HAUS3: variants seen among roughly 807,000 people sequenced by gnomAD.
HAUS3 encodes HAUS augmin-like complex subunit 3.
In HAUS3, 36 loss-of-function variants were observed where a neutral mutation model predicts 55.2. That is an observed-to-expected ratio of 0.65 (90% CI 0.50 to 0.86). The LOEUF is 0.86. Among genes scored for constraint, HAUS3 ranks in the 40% least tolerant of loss-of-function variants. HAUS3 has a pLI of 0.00. For missense variants in HAUS3, 752 were observed against 671.5 expected, an observed-to-expected ratio of 1.12 and a Z score of -1.33; for synonymous variants, 234 against 238.6, an observed-to-expected ratio of 0.98 and a Z score of 0.18.
Position 2,240,464 on chromosome 4 carries a change from C to G in HAUS3, c.483G>C (p.Lys161Asn). The G allele has an allele frequency of 6.2e-7, 1 of 1,613,880 alleles. No homozygotes were observed. The highest frequency in any genetic ancestry group is 8.5e-7 in the Non-Finnish European group (1 of 1,179,942). The change falls in exon 3 of 6, where the codon AAG becomes AAC. Residue 161 changes from lysine (K) to asparagine (N), a missense_variant. Physicochemically the swap from Lys to Asn is moderately conservative, Grantham distance 94. Transcript: ENST00000443786. Reference protein sequence around the residue: ...SQGILNAMITKISNELQALTD... With the variant: ...SQGILNAMITNISNELQALTD... Reference sequence around the variant, plus strand: ...TAAGAGCCTGAAGTTCATTACTGATCTTAGTGATCATTGCATTTAGAATTC... The same window carrying G: ...TAAGAGCCTGAAGTTCATTACTGATGTTAGTGATCATTGCATTTAGAATTC...
rs1379044928 is a variant in HAUS3, at chr4:2,240,789, A to G, written c.158T>C (p.Leu53Ser). 6 of 1,613,824 alleles carry G rather than the reference A, an allele frequency of 3.7e-6. No homozygotes were observed. The highest frequency in any genetic ancestry group is 5.1e-6 in the Non-Finnish European group (6 of 1,179,992). The change falls in exon 3 of 6, where the codon TTG (leucine) becomes TCG (serine). Residue 53 changes from leucine (L) to serine (S), a missense_variant. Physicochemically the swap from Leu to Ser is moderately radical, Grantham distance 145 (BLOSUM62 -2). Transcript: ENST00000443786. Reference sequence around the variant, plus strand: ...AAAAGCTTCCAATTCTCTTTCAGACAACACGTTCTGTTCATTCACATTCCC... The same window carrying G: ...AAAAGCTTCCAATTCTCTTTCAGACGACACGTTCTGTTCATTCACATTCCC... ...FCGNVNEQNV[L>S]SERELEAFSI...
In HAUS3 at chr4:2,240,659, A is replaced by G; in HGVS notation, c.288T>C (p.Asp96=). The change falls in exon 3 of 6, where the codon GAT becomes GAC. Residue 96 remains aspartate, a synonymous_variant. Coordinates refer to ENST00000443786, the MANE Select transcript of HAUS3 (RefSeq NM_001303143.2). The part of the protein sequence containing the change: ...TSDLKTPRLD[D]KELEKLEDEV... ...CATCCTCTAATTTCTCCAGCTCTTT[A>G]TCATCCAGTCTAGGTGTCTTCAAAT... The G allele has an allele frequency of 6.2e-7, 1 of 1,613,886 alleles. No individual in the cohort carries two copies. The highest frequency in any genetic ancestry group is 8.5e-7 in the Non-Finnish European group (1 of 1,179,958).
At position 2,238,914 on chromosome 4, in the gene HAUS3, A is replaced by G. The variant is rs373429132; in HGVS notation, c.1039T>C (p.Leu347=). The G allele has an allele frequency of 1.9e-6, 3 of 1,612,560 alleles. No individual in the cohort carries two copies. Among genetic ancestry groups the G allele is most frequent in the African/African-American group, 2.7e-5 (2 of 74,842 alleles). Residue 347 remains leucine (L), a synonymous_variant, in exon 4 of 6, where the codon TTG becomes CTG. Transcript: ENST00000443786. The part of the protein sequence containing the change: ...PAVVRENAQL[L]NMPVVKGDFD... ...TCTCCCTTTACCACTGGCATATTCA[A>G]TAACTGGGCATTCTCTCTTACCACA... is the stretch of plus-strand genomic sequence containing the variant.
rs1309059821 is a variant in HAUS3, at chr4:2,229,398, T to C, written c.*2529A>G. On this transcript the variant is annotated 3_prime_UTR_variant, in exon 6 of 6. Transcript: ENST00000443786. ...AATAGGCATCAATCATCCAATAATA[T>C]AGATAGAAAGAAAAAAGCAAAATAG... is the stretch of plus-strand genomic sequence containing the variant. 5.1e-6 allele frequency: 3 copies of C among 593,230 alleles called. No homozygotes were observed. Among genetic ancestry groups the C allele is most frequent in the Admixed American group, 7.9e-5 (2 of 25,180 alleles). 36.7% of individuals were successfully genotyped at this position (593,230 alleles called of 1,614,324 possible).
chr4:2,236,414 C>G lies in HAUS3; in HGVS notation c.1392G>C (p.Leu464Phe). Reference protein sequence around the residue: ...VLEGENKKKELFLTHGNLEEV... With the variant: ...VLEGENKKKEFFLTHGNLEEV... ...CCTCAAGGTTTCCATGAGTTAGAAA[C>G]AATTCTTTTTTCTTATTCTCTCCCT... The change falls in exon 5 of 6, where the codon TTG becomes TTC. Residue 464 changes from leucine (L) to phenylalanine (F), a missense_variant. Physicochemically the swap from Leu to Phe is conservative, Grantham distance 22. Coordinates refer to ENST00000443786, the MANE Select transcript of HAUS3 (RefSeq NM_001303143.2). 6.2e-7 allele frequency: 1 copy of G among 1,613,416 alleles called. No individual in the cohort carries two copies. The highest frequency in any genetic ancestry group is 8.5e-7 in the Non-Finnish European group (1 of 1,179,522).
rs371849366 is a variant in HAUS3 at position 2,242,084 on chromosome 4, C to A, written c.-452G>T. ...GTTCCGCTTGCTTCTCGCAGGAGCC[C>A]GCCGCCACCGCCCTCCGTGCCCCGC... On this transcript the variant is annotated 5_prime_UTR_variant, in exon 1 of 6. Transcript: ENST00000443786. 2 of 985,828 alleles carry A rather than the reference C, an allele frequency of 2.0e-6. No individual in the cohort carries two copies. The highest frequency in any genetic ancestry group is 1.1e-4 in the East Asian group (1 of 8,818). 61.1% of individuals were successfully genotyped at this position (985,828 alleles called of 1,614,324 possible). A position where few individuals can be genotyped will look rare whatever the true frequency, so the allele number is the denominator to read the frequency against.
At chr4:2,236,894 T>C (rs1263455739) in intron 4 of HAUS3, among the ~76,000 whole-genome samples, 1 of 149,258 alleles carries the variant, frequency 6.7e-6, no homozygotes, top group Non-Finnish European at 1.5e-5. Context: ...ATAATTATAA[T>C]AATAATATTA....
chr4:2,236,098 A>G, intron 5 of HAUS3, 130 bp downstream of exon 5: 2 of 568,640 alleles, frequency 3.5e-6, no homozygotes, highest in Non-Finnish European at 6.2e-6. Flanking sequence ...ATTAGGAGAT[A>G]TAGAAATATA....
rs186447762 is a variant in HAUS3 at position 2,240,146 on chromosome 4, G to A, written c.801C>T (p.Leu267=). The change falls in exon 3 of 6, where the codon CTC becomes CTT. Residue 267 remains leucine (L), a synonymous_variant. Transcript: ENST00000443786. ...ACTGATGTTGAGCACAAATGTATGCGAGCTGCAGTCTAGCCATCTCTAGTC... is the reference window on the plus strand; with the variant it reads ...ACTGATGTTGAGCACAAATGTATGCAAGCTGCAGTCTAGCCATCTCTAGTC... ...ERRLEMARLQ[L]AYICAQHQLI... The A allele has an allele frequency of 9.9e-6, 16 of 1,613,606 alleles. No individual in the cohort carries two copies. The highest frequency in any genetic ancestry group is 1.3e-5 in the African/African-American group (1 of 74,906).
rs77600900 is a variant in HAUS3 at position 2,237,212 on chromosome 4, C to G, written c.1350-756G>C. On this transcript the variant is annotated intron_variant, in intron 4 of 5. Coordinates refer to ENST00000443786, the MANE Select transcript of HAUS3 (RefSeq NM_001303143.2). ...TAATCCCAGTATTGTGGGAGGGTTA[C>G]TTGAGCCCAGGAGTTCAAGACCAGA... 1.9e-3 allele frequency among the ~76,000 whole-genome samples: 283 copies of G among 151,990 alleles called. 1 individual carries two copies. Among genetic ancestry groups the G allele is most frequent in the African/African-American group, 6.4e-3 (266 of 41,458 alleles).
At position 2,240,224 on chromosome 4, in the gene HAUS3, T is replaced by C. The variant is rs746828526; in HGVS notation, c.723A>G (p.Leu241=). The part of the protein sequence containing the change: ...ESSNEDNFQL[L]DIQTPSICDN... ...CACAAATAGATGGTGTCTGTATATC[T>C]AAAAGTTGAAAATTGTCTTCATTTG... Residue 241 remains leucine, a synonymous_variant, in exon 3 of 6, where the codon TTA becomes TTG. Transcript: ENST00000443786. The C allele has an allele frequency of 7.4e-6, 12 of 1,613,692 alleles. No homozygotes were observed. In the Admixed American group the frequency reaches 1.8e-4, roughly 25 times the overall value.
Position 2,240,223 on chromosome 4 carries a change from C to A in HAUS3, c.724G>T (p.Asp242Tyr). ...SSNEDNFQLL[D>Y]IQTPSICDNQ... Reference sequence around the variant, plus strand: ...TCACAAATAGATGGTGTCTGTATATCTAAAAGTTGAAAATTGTCTTCATTT... The same window carrying A: ...TCACAAATAGATGGTGTCTGTATATATAAAAGTTGAAAATTGTCTTCATTT... The change falls in exon 3 of 6, where the codon GAT (aspartate) becomes TAT (tyrosine). Residue 242 changes from aspartate (D) to tyrosine (Y), a missense_variant. Asp to Tyr is a radical substitution (Grantham distance 160, BLOSUM62 -3). Coordinates refer to ENST00000443786, the MANE Select transcript of HAUS3 (RefSeq NM_001303143.2). 1 of 1,613,834 alleles carries A rather than the reference C, an allele frequency of 6.2e-7. No individual in the cohort carries two copies. The highest frequency in any genetic ancestry group is 8.5e-7 in the Non-Finnish European group (1 of 1,179,878).
At chr4:2,237,262 C>T (rs527922099) in intron 4 of HAUS3, among the ~76,000 whole-genome samples, 2 of 146,230 alleles carry the variant, frequency 1.4e-5, no homozygotes, top group South Asian at 4.2e-4. Context: ...GAAGCCCCAT[C>T]TCTACAAATT....
chr4:2,237,260 A>G (rs559675382), intron 4 of HAUS3, among the ~76,000 whole-genome samples: 2 of 146,898 alleles, frequency 1.4e-5, no homozygotes, highest in African/African-American at 5.3e-5. Flanking sequence ...TTGAAGCCCC[A>G]TCTCTACAAA....
chr4:2,240,123 T>C lies in HAUS3; in HGVS notation c.824A>G (p.Gln275Arg). 6.2e-7 allele frequency: 1 copy of C among 1,614,030 alleles called. No individual in the cohort carries two copies. Among genetic ancestry groups the C allele is most frequent in the Non-Finnish European group, 8.5e-7 (1 of 1,179,868 alleles). The change falls in exon 3 of 6, where the codon CAG becomes CGG. Residue 275 changes from glutamine to arginine, a missense_variant. Transcript: ENST00000443786. The stretch of plus-strand genomic sequence containing the variant: ...ATTACTTGCTTTTAAGTGAATTAAC[T>C]GATGTTGAGCACAAATGTATGCGAG... ...LQLAYICAQH[Q>R]LIHLKASNSS...
chr4:2,238,272 T>C (rs1734837781), intron 4 of HAUS3, among the ~76,000 whole-genome samples: 1 of 152,078 alleles, frequency 6.6e-6, no homozygotes. Context: ...CAGCAACACC[T>C]ACTATGCTGA....
In HAUS3 at chr4:2,242,082, C is replaced by A. The variant is rs182178490; in HGVS notation, c.-450G>T. Reference sequence around the variant, plus strand: ...AAGTTCCGCTTGCTTCTCGCAGGAGCCCGCCGCCACCGCCCTCCGTGCCCC... The same window carrying A: ...AAGTTCCGCTTGCTTCTCGCAGGAGACCGCCGCCACCGCCCTCCGTGCCCC... On this transcript the variant is annotated 5_prime_UTR_variant, in exon 1 of 6. Transcript: ENST00000443786. 107 of 985,836 alleles carry A rather than the reference C, an allele frequency of 1.1e-4. No homozygotes were observed. In the African/African-American group the frequency reaches 1.7e-3, roughly 16 times the overall value. 61.1% of individuals were successfully genotyped at this position (985,836 alleles called of 1,614,324 possible).
In HAUS3 at chr4:2,241,089, T is replaced by C. The variant is rs1328191803; in HGVS notation, c.-143A>G. ...ATATATTTTTAGAATCTATAATGAT[T>C]CCTCCTAGGGGGGAAGAAAACAAGT... is the stretch of plus-strand genomic sequence containing the variant. On this transcript the variant is annotated 5_prime_UTR_variant, in exon 3 of 6. Coordinates refer to ENST00000443786, the MANE Select transcript of HAUS3 (RefSeq NM_001303143.2). 3.1e-6 allele frequency: 2 copies of C among 639,474 alleles called. No individual in the cohort carries two copies. The highest frequency in any genetic ancestry group is 5.3e-6 in the Non-Finnish European group (2 of 380,910). 39.6% of individuals were successfully genotyped at this position (639,474 alleles called of 1,614,324 possible).
At chr4:2,235,363 A>G (rs1734724349) in intron 5 of HAUS3, among the ~76,000 whole-genome samples, 1 of 152,178 alleles carries the variant, frequency 6.6e-6, no homozygotes, top group East Asian at 1.9e-4. Flanking sequence ...TGTTTTAAAA[A>G]CCACAGGAAA....
Sources: allele counts gnomAD v4.1 joint callset (sites outside exome capture counted in the v4.1 genomes callset), GRCh38; gene constraint gnomAD v4.1.1; transcripts MANE v1.5; gene names NCBI Gene and HGNC (gene_info 2026-07-23, HGNC 2026-07-21).